Variants in DPYSL3 observed in about 807,000 individuals in gnomAD.
The protein encoded by DPYSL3 is dihydropyrimidinase like 3.
Under a neutral mutation model 66.1 loss-of-function variants are expected in DPYSL3, and 16 were observed. The observed-to-expected ratio is 0.24, with a 90% confidence interval of 0.16 to 0.37. The LOEUF (loss-of-function observed/expected upper bound fraction) is 0.37, where lower values mean the gene tolerates loss of function less well. DPYSL3 is among the 10% of genes least tolerant of loss of function. DPYSL3 has a pLI of 1.00. For missense variants in DPYSL3, 738 were observed against 916.2 expected, an observed-to-expected ratio of 0.81 and a Z score of 2.51; for synonymous variants, 338 against 345.1, an observed-to-expected ratio of 0.98 and a Z score of 0.23.
intron 1 of DPYSL3, among the ~76,000 whole-genome samples, chr5:147,495,938 C>G (rs1753500208): frequency 6.6e-6 from 1 of 152,136 alleles, no homozygotes; most frequent in Admixed American, 6.6e-5. Context: ...CCCGCATTGC[C>G]AAGTCAATCC....
In DPYSL3 at chr5:147,424,972, G is replaced by T; in HGVS notation, c.382-9C>A. ...ATAAGGAGACGGTCACTCTAGAAAAGAAGGAAAACATGAGTTGTTATCACA... is the reference window on the plus strand; with the variant it reads ...ATAAGGAGACGGTCACTCTAGAAAATAAGGAAAACATGAGTTGTTATCACA... On this transcript the variant is annotated splice_polypyrimidine_tract_variant and intron_variant, in intron 1 of 13. Coordinates refer to ENST00000343218, the MANE Select transcript of DPYSL3 (RefSeq NM_001197294.2). 6.2e-7 allele frequency: 1 copy of T among 1,605,706 alleles called. No individual in the cohort carries two copies. Among genetic ancestry groups the T allele is most frequent in the African/African-American group, 1.3e-5 (1 of 74,730 alleles).
rs757139318 is a variant in DPYSL3, at chr5:147,401,493, A to G, written c.1310+47T>C. 5.1e-6 allele frequency: 8 copies of G among 1,562,792 alleles called. No homozygotes were observed. In the East Asian group the frequency reaches 1.8e-4, roughly 36 times the overall value. ...TGTCCTCAACCCCCAGCTGGACTCA[A>G]GAGATGTTTTCACAAAACGCCTGCT... On this transcript the variant is annotated intron_variant, in intron 9 of 13. Coordinates refer to ENST00000343218, the MANE Select transcript of DPYSL3 (RefSeq NM_001197294.2).
At chr5:147,454,149 C>T (rs116337841) in intron 1 of DPYSL3, 1 of 152,414 alleles carries the variant, frequency 6.6e-6, no homozygotes, top group South Asian at 2.1e-4. Flanking sequence ...CGCCCCCAGC[C>T]AGCTCCTCGT....
At chr5:147,438,191 C>T (rs73794733) in intron 1 of DPYSL3, among the ~76,000 whole-genome samples, 3,761 of 152,256 alleles carry the variant, frequency 0.025, 146 homozygotes, top group African/African-American at 0.085. Context: ...AAAACCTATA[C>T]ACCCGCAACT....
At chr5:147,441,030 C>T (rs1183317806) in intron 1 of DPYSL3, among the ~76,000 whole-genome samples, 3 of 152,182 alleles carry the variant, frequency 2.0e-5, no homozygotes, top group Admixed American at 6.5e-5. Context: ...ATGCCATATA[C>T]ACAATTATGG....
intron 7 of DPYSL3, among the ~76,000 whole-genome samples, chr5:147,407,436 C>G (rs1751726441): frequency 6.6e-6 from 1 of 152,140 alleles, no homozygotes; most frequent in African/African-American, 2.4e-5. Flanking sequence ...CTGAAATCCC[C>G]TGGCTGCTGC....
At chr5:147,423,806 T>C (rs998908461) in intron 2 of DPYSL3, among the ~76,000 whole-genome samples, 2 of 152,126 alleles carry the variant, frequency 1.3e-5, no homozygotes, top group African/African-American at 4.8e-5. Context: ...CTGCAACCTC[T>C]ACCTCCTGGG....
intron 1 of DPYSL3, among the ~76,000 whole-genome samples, chr5:147,449,372 A>G (rs905057560): frequency 6.6e-6 from 1 of 152,248 alleles, no homozygotes; most frequent in African/African-American, 2.4e-5. Flanking sequence ...AACTGGGGAT[A>G]CGTCTTCCAG....
intron 10 of DPYSL3, 150 bp downstream of exon 10, chr5:147,400,542 G>A: frequency 2.8e-6 from 3 of 1,083,472 alleles, no homozygotes; most frequent in Non-Finnish European, 3.9e-6. Context: ...TTTCCACACT[G>A]CCAGAGCCAC....
chr5:147,452,881 GCACACACACACACACACACACA>G (rs3995474), intron 1 of DPYSL3, among the ~76,000 whole-genome samples: 7 of 137,450 alleles, frequency 5.1e-5, no homozygotes, highest in East Asian at 2.2e-4. Context: ...TGCATCGAAG[GCACACACACACACACACACACA>G]CACACACACA....
intron 1 of DPYSL3, among the ~76,000 whole-genome samples, chr5:147,466,138 A>G (rs1384628373): frequency 6.6e-6 from 1 of 152,234 alleles, no homozygotes; most frequent in Admixed American, 6.5e-5. Context: ...CATTAGCTAG[A>G]GTAAAATATT....
chr5:147,410,642 C>T (rs1751833802), intron 6 of DPYSL3, among the ~76,000 whole-genome samples: 1 of 152,120 alleles, frequency 6.6e-6, no homozygotes, highest in African/African-American at 2.4e-5. Context: ...ATTTGTTGAA[C>T]GAATGGCTAA....
In DPYSL3 at chr5:147,509,961, C is replaced by T. The variant is rs558914800; in HGVS notation, c.-103G>A. The T allele has an allele frequency of 2.2e-4, 319 of 1,426,116 alleles. 1 individual carries two copies. The East Asian group carries it at 4.3e-3, about 19-fold the overall frequency. 88.3% of individuals were successfully genotyped at this position (1,426,116 alleles called of 1,614,324 possible). A position where few individuals can be genotyped will look rare whatever the true frequency, so the allele number is the denominator to read the frequency against. ...CCACAGTGACTGTGGCGGGAGGAGG[C>T]GCCTGAGCCTTCGCGCCAGAGGCGG... On this transcript the variant is annotated 5_prime_UTR_variant, in exon 1 of 14. Transcript: ENST00000343218. This position sits in a 1 kb window ranked among gnomAD's most constrained non-coding sequence, Gnocchi z 5.3.
At chr5:147,406,179 G>T (rs777029295) in intron 7 of DPYSL3, 1 of 152,756 alleles carries the variant, frequency 6.5e-6, no homozygotes, top group Admixed American at 6.5e-5. Context: ...AGCAGTAAGT[G>T]GTCAGCAAAG....
In DPYSL3 at chr5:147,401,533, C is replaced by A. The variant is rs1307939808; in HGVS notation, c.1310+7G>T. ...AAACGCCTGCTGCTGGGCATTCCTG[C>A]ACCAACCTGGCCAGCAAGGAGTTGA... On this transcript the variant is annotated splice_region_variant and intron_variant, in intron 9 of 13. Coordinates refer to ENST00000343218, the MANE Select transcript of DPYSL3 (RefSeq NM_001197294.2). 2.5e-6 allele frequency: 4 copies of A among 1,609,356 alleles called. No individual in the cohort carries two copies. The Admixed American group carries it at 6.7e-5, about 27-fold the overall frequency.
chr5:147,447,403 T>C (rs1375336733), intron 1 of DPYSL3, among the ~76,000 whole-genome samples: 1 of 152,200 alleles, frequency 6.6e-6, no homozygotes, highest in Non-Finnish European at 1.5e-5. Flanking sequence ...CATATGTTGA[T>C]GAAAGAGGGA....
chr5:147,403,741 C>A (rs1758255881), intron 8 of DPYSL3, among the ~76,000 whole-genome samples: 2 of 152,114 alleles, frequency 1.3e-5, no homozygotes, highest in South Asian at 4.1e-4. Context: ...CTTTGTCTTG[C>A]AAAGAATGCT....
chr5:147,421,375 G>A (rs1488363791), intron 2 of DPYSL3, among the ~76,000 whole-genome samples: 2 of 151,630 alleles, frequency 1.3e-5, no homozygotes, highest in African/African-American at 4.9e-5. Context: ...CAAACAAATG[G>A]GAAAAAAATC....
intron 1 of DPYSL3, among the ~76,000 whole-genome samples, chr5:147,468,820 A>T (rs889007930): frequency 1.3e-5 from 2 of 152,164 alleles, no homozygotes; most frequent in Admixed American, 6.5e-5. Flanking sequence ...GGTGTGCTGC[A>T]CCCATTACCT....
Sources: allele counts gnomAD v4.1 joint callset (sites outside exome capture counted in the v4.1 genomes callset), GRCh38; gene constraint gnomAD v4.1.1; non-coding constraint Gnocchi (gnomAD v3.1); transcripts MANE v1.5; gene names NCBI Gene and HGNC (gene_info 2026-07-23, HGNC 2026-07-21).